Variants in LPP observed in about 807,000 individuals in gnomAD.
The protein encoded by LPP is LIM domain containing preferred translocation partner in lipoma, also known as lipoma-preferred partner.
LPP carries 38 observed loss-of-function variants against 60.4 expected under a neutral mutation model. The ratio of observed to expected loss-of-function variants is 0.63; its 90% CI spans 0.49 to 0.83. The LOEUF (loss-of-function observed/expected upper bound fraction) is 0.83, where lower values mean the gene tolerates loss of function less well. Among genes scored for constraint, LPP ranks in the 40% least tolerant of loss-of-function variants. The pLI is 0.00. For synonymous variants in LPP, 328 were observed against 290.8 expected, an observed-to-expected ratio of 1.13 and a Z score of -1.30; for missense variants, 902 against 783.6, an observed-to-expected ratio of 1.15 and a Z score of -1.80.
At chr3:188,618,338 A>G (rs1845229287) in intron 7 of LPP, among the ~76,000 whole-genome samples, 1 of 152,238 alleles carries the variant, frequency 6.6e-6, no homozygotes. Context: ...TGAAAATATG[A>G]GATAATAACA....
chr3:188,334,416 T>C (rs143540417), intron 2 of LPP, among the ~76,000 whole-genome samples: 1,515 of 136,540 alleles, frequency 0.011, 12 homozygotes, highest in Non-Finnish European at 0.017. Flanking sequence ...CTTACGATAT[T>C]TCTTTCTTTT....
chr3:188,415,426 C>A (rs1288435018), intron 4 of LPP, among the ~76,000 whole-genome samples: 2 of 151,892 alleles, frequency 1.3e-5, no homozygotes, highest in African/African-American at 4.8e-5. Flanking sequence ...AGCAAATATA[C>A]CCTTTGGCAT....
intron 3 of LPP, among the ~76,000 whole-genome samples, chr3:188,371,207 T>A (rs1197022776): frequency 1.3e-5 from 2 of 152,174 alleles, no homozygotes; most frequent in African/African-American, 4.8e-5. Flanking sequence ...ACCATTAACC[T>A]ATCATGAATA....
chr3:188,346,107 T>A (rs1010063695), intron 3 of LPP, among the ~76,000 whole-genome samples: 1 of 152,124 alleles, frequency 6.6e-6, no homozygotes, highest in Non-Finnish European at 1.5e-5. Flanking sequence ...TTTTTCTGGT[T>A]TGAGATGGTC....
At position 188,610,173 on chromosome 3, in the gene LPP, G is replaced by C. The variant is rs972288333; in HGVS notation, c.1113+329G>C. On this transcript the variant is annotated intron_variant, in intron 7 of 11. Coordinates refer to ENST00000617246, the MANE Select transcript of LPP (RefSeq NM_001375462.1). This position sits in a 1 kb window ranked among gnomAD's most constrained non-coding sequence, Gnocchi z 4.4. ...ATTTTTCACATCCTTCCCTATATTG[G>C]TTAAAGCTTCCCTCTGTTGTGCAGA... Among the ~76,000 whole-genome samples, 2 of 152,156 alleles carry C rather than the reference G, an allele frequency of 1.3e-5. No individual in the cohort carries two copies. Among genetic ancestry groups the C allele is most frequent in the Admixed American group, 6.5e-5 (1 of 15,278 alleles).
In LPP at chr3:188,336,385, C is replaced by T. The variant is rs1354457983; in HGVS notation, c.-66-5278C>T. Among the ~76,000 whole-genome samples the T allele has an allele frequency of 3.9e-5, 6 of 152,134 alleles. No individual in the cohort carries two copies. The South Asian group carries it at 1.2e-3, about 32-fold the overall frequency. On this transcript the variant is annotated intron_variant, in intron 2 of 11. Transcript: ENST00000617246. ...TGAGACATTACTCTACAAACTCAGT[C>T]CCAGCTGTGAGTGGCTCAACTCCAG...
chr3:188,653,676 A>G (rs190724294), intron 7 of LPP, among the ~76,000 whole-genome samples: 2 of 152,304 alleles, frequency 1.3e-5, no homozygotes, highest in Admixed American at 6.5e-5. Flanking sequence ...ACCTGCCCCA[A>G]TGTAACCAAT....
rs765432151 is a variant in LPP at position 188,710,020 on chromosome 3, G to T, written c.1240+1627G>T. ...CCCATCCATGGACCACTTTTTGAGTGGCACTGCTTTAAGGACAAATAGAGA... is the reference window on the plus strand; with the variant it reads ...CCCATCCATGGACCACTTTTTGAGTTGCACTGCTTTAAGGACAAATAGAGA... On this transcript the variant is annotated intron_variant, in intron 8 of 11. Transcript: ENST00000617246. 5.3e-5 allele frequency: 8 copies of T among 152,206 alleles called. No homozygotes were observed. The South Asian group carries it at 1.7e-3, about 32-fold the overall frequency. The allele number at this position is 152,206 out of a possible 1,614,324, so 9.4% of individuals were successfully genotyped here.
intron 6 of LPP, among the ~76,000 whole-genome samples, chr3:188,555,109 G>C (rs1382285414): frequency 6.6e-6 from 1 of 152,104 alleles, no homozygotes; most frequent in Non-Finnish European, 1.5e-5. Flanking sequence ...AGATATTTGG[G>C]ATAAGCATGT....
chr3:188,209,277 A>G lies in LPP; in HGVS notation c.-189-16128A>G, dbSNP rs182518481. On this transcript the variant is annotated intron_variant, in intron 1 of 11. Transcript: ENST00000617246. ...TGGGTATAATACTACCTCCTGGGAT[A>G]GTTGTTGGAAGGGATTCAATGAGAC... is the stretch of plus-strand genomic sequence containing the variant. 1.7e-3 allele frequency among the ~76,000 whole-genome samples: 262 copies of G among 152,308 alleles called. 2 individuals are homozygous for G. Among genetic ancestry groups the G allele is most frequent in the African/African-American group, 6.0e-3 (249 of 41,562 alleles).
chr3:188,299,400 C>A (rs751542605), intron 2 of LPP, among the ~76,000 whole-genome samples: 2 of 152,168 alleles, frequency 1.3e-5, no homozygotes, highest in African/African-American at 4.8e-5. Flanking sequence ...GTTGCTTCTT[C>A]GATGCTGACT....
rs1770116640 is a variant in LPP, at chr3:188,882,224, G to C, written c.*7745G>C. On this transcript the variant is annotated 3_prime_UTR_variant, in exon 12 of 12. Transcript: ENST00000617246. Reference sequence around the variant, plus strand: ...TACATAAAATTTGATAAGAAATCTTGAGCTGATTCTTTGACTTGATTTAGA... The same window carrying C: ...TACATAAAATTTGATAAGAAATCTTCAGCTGATTCTTTGACTTGATTTAGA... 1.4e-5 allele frequency: 3 copies of C among 218,056 alleles called. No homozygotes were observed. The East Asian group carries it at 2.0e-4, about 15-fold the overall frequency. 13.5% of individuals were successfully genotyped at this position (218,056 alleles called of 1,614,324 possible).
chr3:188,330,618 A>G (rs888379873), intron 2 of LPP, among the ~76,000 whole-genome samples: 6 of 152,060 alleles, frequency 3.9e-5, no homozygotes, highest in African/African-American at 1.4e-4. Flanking sequence ...CCTCATGCTT[A>G]TAATCCCAGC....
chr3:188,196,272 A>C lies in LPP; in HGVS notation c.-189-29133A>C, dbSNP rs182968141. On this transcript the variant is annotated intron_variant, in intron 1 of 11. Transcript: ENST00000617246. Reference sequence around the variant, plus strand: ...TGGAACTCCTGAACTTCAGGCCCACACTCCTACATGCCTTTTGGACACTCC... The same window carrying C: ...TGGAACTCCTGAACTTCAGGCCCACCCTCCTACATGCCTTTTGGACACTCC... Among the ~76,000 whole-genome samples the C allele has an allele frequency of 2.0e-5, 3 of 151,954 alleles. No homozygotes were observed. The East Asian group carries it at 5.8e-4, about 29-fold the overall frequency.
chr3:188,483,911 C>G (rs1199515120), intron 4 of LPP, among the ~76,000 whole-genome samples: 1 of 152,160 alleles, frequency 6.6e-6, no homozygotes, highest in Non-Finnish European at 1.5e-5. Context: ...TGATAAAATT[C>G]AAACCCTTTT....
chr3:188,237,662 CT>C (rs369827599), intron 2 of LPP, among the ~76,000 whole-genome samples: 2,202 of 149,606 alleles, frequency 0.015, 54 homozygotes, highest in African/African-American at 0.049. Context: ...TGAAAGGAAT[CT>C]TTTTTTTTTC....
At chr3:188,839,367 A>G (rs983666312) in intron 9 of LPP, among the ~76,000 whole-genome samples, 2 of 152,234 alleles carry the variant, frequency 1.3e-5, no homozygotes, top group Non-Finnish European at 2.9e-5. Context: ...TTATGATGTC[A>G]ACAAGGATAA....
At chr3:188,224,348 G>A (rs1716926597) in intron 1 of LPP, among the ~76,000 whole-genome samples, 1 of 152,120 alleles carries the variant, frequency 6.6e-6, no homozygotes, top group African/African-American at 2.4e-5. Context: ...AATGAAATGG[G>A]CATGGTAGTT....
At chr3:188,162,100 T>C (rs1718466978) in intron 1 of LPP, among the ~76,000 whole-genome samples, 1 of 152,236 alleles carries the variant, frequency 6.6e-6, no homozygotes, top group Non-Finnish European at 1.5e-5. Flanking sequence ...GTCTTCCCTA[T>C]TGAACCTGCC....
Sources: gnomAD v4.1 joint callset for allele counts (sites outside exome capture counted in the v4.1 genomes callset) on GRCh38, gnomAD v4.1.1 for gene constraint, Gnocchi (gnomAD v3.1) non-coding constraint, MANE v1.5 for transcripts, NCBI Gene and HGNC (gene_info 2026-07-23, HGNC 2026-07-21) for gene names.